AKNA: variants seen among roughly 807,000 people sequenced by gnomAD.
AKNA encodes the protein AT-hook transcription factor.
Under a neutral mutation model 138.8 loss-of-function variants are expected in AKNA, and 67 were observed. The observed-to-expected ratio is 0.48, with a 90% confidence interval of 0.40 to 0.59. The LOEUF (loss-of-function observed/expected upper bound fraction) is 0.59, where lower values mean the gene tolerates loss of function less well. AKNA is among the 20% of genes least tolerant of loss of function. The pLI is 0.00. For missense variants in AKNA, 1,813 were observed against 1,880.4 expected (o/e 0.96, Z 0.66); for synonymous variants, 737 against 754.4 (o/e 0.98, Z 0.38).
intron 14 of AKNA, among the ~76,000 whole-genome samples, chr9:114,354,259 C>T (rs1419016502): frequency 2.6e-5 from 4 of 152,044 alleles, no homozygotes; most frequent in African/African-American, 9.7e-5. Flanking sequence ...CACAGACACA[C>T]ACACACATTA....
chr9:114,378,955 T>C (rs903868769), intron 2 of AKNA, among the ~76,000 whole-genome samples: 8 of 152,234 alleles, frequency 5.3e-5, no homozygotes, highest in African/African-American at 1.9e-4. Context: ...TCCATGCTCT[T>C]TCCCCTACCC....
At chr9:114,355,825 T>G in intron 14 of AKNA, 100 bp downstream of exon 14, 1 of 1,244,544 alleles carries the variant, frequency 8.0e-7, no homozygotes, top group African/African-American at 1.5e-5. Flanking sequence ...TTCAGTACAA[T>G]GAACCTGGCT....
At chr9:114,372,109 T>C (rs1832809869) in intron 4 of AKNA, among the ~76,000 whole-genome samples, 1 of 152,110 alleles carries the variant, frequency 6.6e-6, no homozygotes, top group Non-Finnish European at 1.5e-5. Flanking sequence ...CAGGAGATGA[T>C]AGTATCATCC....
rs1830014820 is a variant in AKNA at position 114,336,769 on chromosome 9, C to T, written c.*285G>A. On this transcript the variant is annotated 3_prime_UTR_variant, in exon 22 of 22. Coordinates refer to ENST00000374088, the MANE Select transcript of AKNA (RefSeq NM_001317950.2). Reference sequence around the variant, plus strand: ...AGCTGGAGTTGCACACATGCAGGACCAGGAGAGACTGCCTGAGGTTCTGCC... The same window carrying T: ...AGCTGGAGTTGCACACATGCAGGACTAGGAGAGACTGCCTGAGGTTCTGCC... 5.0e-6 allele frequency: 2 copies of T among 397,042 alleles called. No individual in the cohort carries two copies. Among genetic ancestry groups the T allele is most frequent in the South Asian group, 1.1e-4 (1 of 9,020 alleles). 24.6% of individuals were successfully genotyped at this position (397,042 alleles called of 1,614,324 possible).
downstream of AKNA, chr9:114,331,582 A>T: frequency 1.9e-6 from 3 of 1,613,850 alleles, no homozygotes; most frequent in Non-Finnish European, 1.7e-6. Context: ...GGCCGAGAAC[A>T]TGTTGCTCAC....
At chr9:114,360,158 G>A (rs1381963410) in intron 9 of AKNA, 96 bp from the exon 10 acceptor site, 1 of 1,498,618 alleles carries the variant, frequency 6.7e-7, no homozygotes, top group African/African-American at 1.4e-5. Flanking sequence ...GTGGGCTGCG[G>A]GGTAAGAAGC....
upstream of AKNA, among the ~76,000 whole-genome samples, chr9:114,389,489 C>T (rs907498249): frequency 1.3e-5 from 2 of 152,132 alleles, 1 homozygote; most frequent in South Asian, 4.1e-4. Flanking sequence ...TCCTGCTGGC[C>T]CTGACCTTTG....
At chr9:114,330,900 G>A (rs201106598), downstream of AKNA, 11 of 1,568,120 alleles carry the variant, frequency 7.0e-6, no homozygotes, top group East Asian at 1.6e-4. Flanking sequence ...TTCACCGTGG[G>A]AACAGGGCAG....
Position 114,376,610 on chromosome 9 carries a change from A to G in AKNA, c.1197T>C (p.Ser399=). 1.9e-6 allele frequency: 3 copies of G among 1,614,032 alleles called. No individual in the cohort carries two copies. The highest frequency in any genetic ancestry group is 3.3e-4 in the Middle Eastern group (2 of 6,062). ...QAPARPLIFK[S]PAEIVQEVLL... ...GCACCTCCTGCACAATCTCAGCTGG[A>G]GACTTGAAGATGAGGGGCCTGGCAG... The change falls in exon 3 of 22, where the codon TCT becomes TCC. Residue 399 remains serine (S), a synonymous_variant. Transcript: ENST00000374088.
At chr9:114,333,794 C>A (rs1829902306), downstream of AKNA, among the ~76,000 whole-genome samples, 1 of 150,500 alleles carries the variant, frequency 6.6e-6, no homozygotes, top group East Asian at 1.9e-4. Flanking sequence ...ATTTGAGTAA[C>A]CTTGAGGCAG....
intron 1 of AKNA, among the ~76,000 whole-genome samples, chr9:114,387,315 G>C (rs1306525530): frequency 6.6e-6 from 1 of 152,226 alleles, no homozygotes; most frequent in African/African-American, 2.4e-5. Context: ...TCCAGCAGCA[G>C]AGGCCGAGGA....
At chr9:114,350,671 G>A (rs1271854475) in intron 15 of AKNA, among the ~76,000 whole-genome samples, 188 bp downstream of exon 15, 2 of 152,138 alleles carry the variant, frequency 1.3e-5, no homozygotes, top group East Asian at 1.9e-4. Flanking sequence ...GTGTGTCCTC[G>A]ATGTCTAGAT....
downstream of AKNA, among the ~76,000 whole-genome samples, chr9:114,332,639 A>G (rs1274299583): frequency 2.6e-5 from 4 of 152,078 alleles, no homozygotes; most frequent in Non-Finnish European, 4.4e-5. Context: ...ATCCTGGGAC[A>G]GGGCTTATGA....
Position 114,359,942 on chromosome 9 carries a change from G to A in AKNA, c.2245C>T (p.His749Tyr). The A allele has an allele frequency of 6.2e-7, 1 of 1,614,206 alleles. No individual in the cohort carries two copies. Among genetic ancestry groups the A allele is most frequent in the Non-Finnish European group, 8.5e-7 (1 of 1,180,038 alleles). ...RPQDPLARLR[H>Y]KELQMEQVYH... ...ACTTGCTCCATCTGCAGCTCCTTGT[G>A]CCTGAGTCGGGCCAGGGGGTCCTGT... Residue 749 changes from histidine (H) to tyrosine (Y), a missense_variant, in exon 10 of 22, where the codon CAC (histidine) becomes TAC (tyrosine). Physicochemically the swap from His to Tyr is moderately conservative, Grantham distance 83. Coordinates refer to ENST00000374088, the MANE Select transcript of AKNA (RefSeq NM_001317950.2).
chr9:114,352,920 C>CAAA (rs111877355), intron 14 of AKNA, among the ~76,000 whole-genome samples: 6 of 134,684 alleles, frequency 4.5e-5, no homozygotes, highest in African/African-American at 1.3e-4. Context: ...GACTCCATCT[C>CAAA]AAAAAAAAAA....
In AKNA at chr9:114,355,104, G is replaced by C. The variant is rs541920876; in HGVS notation, c.3058+821C>G. Among the ~76,000 whole-genome samples, 96 of 151,492 alleles carry C rather than the reference G, an allele frequency of 6.3e-4. 2 individuals carry two copies. Among genetic ancestry groups the C allele is most frequent in the Admixed American group, 3.9e-4 (6 of 15,194 alleles). ...TGGCCACAGGTGATCCTGGCCTTAA[G>C]TGATCCTCCCACCTTGGCCTCCCAA... On this transcript the variant is annotated intron_variant, in intron 14 of 21. Transcript: ENST00000374088.
At chr9:114,379,938 G>T (rs896105507) in intron 2 of AKNA, among the ~76,000 whole-genome samples, 1 of 152,130 alleles carries the variant, frequency 6.6e-6, no homozygotes, top group African/African-American at 2.4e-5. Flanking sequence ...CTCACTTCAG[G>T]CCAGGAGTTT....
intron 19 of AKNA, 116 bp downstream of exon 19, chr9:114,343,592 C>T (rs941658594): frequency 9.3e-7 from 1 of 1,070,178 alleles, no homozygotes; most frequent in Non-Finnish European, 1.4e-6. Flanking sequence ...TGGTCTGTCC[C>T]TATAACCCAC....
chr9:114,389,259 C>G (rs1159310), upstream of AKNA, among the ~76,000 whole-genome samples: 111,930 of 151,878 alleles, frequency 0.74, 41,480 homozygotes, highest in East Asian at 0.94. Flanking sequence ...CACAGAAAAG[C>G]GGGCACAGGA....
Sources: gnomAD v4.1 joint callset for allele counts (sites outside exome capture counted in the v4.1 genomes callset) on GRCh38, gnomAD v4.1.1 for gene constraint, MANE v1.5 for transcripts, NCBI Gene and HGNC (gene_info 2026-07-23, HGNC 2026-07-21) for gene names.